ZNF385D: variants seen among roughly 807,000 people sequenced by gnomAD.
ZNF385D encodes the protein zinc finger protein 659.
Under a neutral mutation model 35.8 loss-of-function variants are expected in ZNF385D, and 15 were observed. The observed-to-expected ratio is 0.42, with a 90% confidence interval of 0.28 to 0.64. The LOEUF (loss-of-function observed/expected upper bound fraction) is 0.64. Ranked by LOEUF, ZNF385D falls within the 30% of genes least tolerant of loss-of-function variation. ZNF385D has a pLI of 0.23. For missense variants in ZNF385D, 474 were observed against 494.6 expected (o/e 0.96, Z 0.39); for synonymous variants, 212 against 186.8 (o/e 1.13, Z -1.10).
At chr3:21,809,417 A>G (rs1480549104) in intron 3 of ZNF385D, among the ~76,000 whole-genome samples, 2 of 152,024 alleles carry the variant, frequency 1.3e-5, no homozygotes, top group Non-Finnish European at 2.9e-5. Context: ...GCGGTTTTCA[A>G]CATATGTAGG....
intron 3 of ZNF385D, among the ~76,000 whole-genome samples, chr3:21,907,291 T>C (rs755309928): frequency 6.6e-6 from 1 of 152,180 alleles, no homozygotes; most frequent in Non-Finnish European, 1.5e-5. Flanking sequence ...GAGACAAACA[T>C]TGCCAACATT....
At chr3:21,814,361 C>T (rs1403078490) in intron 3 of ZNF385D, among the ~76,000 whole-genome samples, 4 of 152,158 alleles carry the variant, frequency 2.6e-5, no homozygotes, top group African/African-American at 9.7e-5. Context: ...ATTAACCTTA[C>T]ATGTAAATGG....
intron 1 of ZNF385D, among the ~76,000 whole-genome samples, chr3:21,730,978 T>C (rs749915448): frequency 1.3e-5 from 2 of 152,190 alleles, no homozygotes; most frequent in African/African-American, 2.4e-5. Flanking sequence ...AAAACTAACA[T>C]TGCATTAATA....
chr3:21,860,170 G>C (rs1696970182), intron 3 of ZNF385D, among the ~76,000 whole-genome samples: 2 of 151,970 alleles, frequency 1.3e-5, no homozygotes, highest in African/African-American at 2.4e-5. Flanking sequence ...TTCTAAAAGA[G>C]GTTGTTTTTG....
rs1399411269 is a variant in ZNF385D, at chr3:21,559,114, CTA to C, written c.276+5458_276+5459del. On this transcript the variant is annotated intron_variant, in intron 3 of 7. Coordinates refer to ENST00000281523, the MANE Select transcript of ZNF385D (RefSeq NM_024697.3). ...CAGCACACTGATGGTTCTTGACACT[CTA>C]TCCAATTTGCCAGTCTGTGTCTTTT... Among the ~76,000 whole-genome samples, 3 of 151,746 alleles carry C rather than the reference CTA, an allele frequency of 2.0e-5. No individual in the cohort carries two copies. In the East Asian group the frequency reaches 5.8e-4, roughly 29 times the overall value.
intron 3 of ZNF385D, among the ~76,000 whole-genome samples, chr3:21,933,856 C>G (rs1468065634): frequency 6.6e-6 from 1 of 152,028 alleles, no homozygotes; most frequent in Non-Finnish European, 1.5e-5. Context: ...TTTGTTTTCT[C>G]AAGTCCAAAA....
chr3:21,652,098 C>A (rs977795286), intron 2 of ZNF385D, among the ~76,000 whole-genome samples: 1 of 152,074 alleles, frequency 6.6e-6, no homozygotes, highest in Non-Finnish European at 1.5e-5. Flanking sequence ...AATGTATAAA[C>A]GTTTAAAGTA....
intron 1 of ZNF385D, among the ~76,000 whole-genome samples, chr3:21,749,965 T>TGATACATC (rs397715182): frequency 7.2e-5 from 11 of 152,176 alleles, no homozygotes; most frequent in African/African-American, 2.6e-4. Context: ...TTGGATACAT[T>TGATACATC]TCCTAGCCCC....
intron 2 of ZNF385D, among the ~76,000 whole-genome samples, chr3:21,663,890 AATATATATATATATATAT>A (rs66691637): frequency 1.6e-4 from 10 of 64,418 alleles, no homozygotes; most frequent in African/African-American, 3.1e-4. Flanking sequence ...TTGTGGGCCG[AATATATATATATATATAT>A]ATATATATAT....
intron 2 of ZNF385D, among the ~76,000 whole-genome samples, chr3:21,644,624 A>T (rs547497122): frequency 3.9e-5 from 6 of 152,310 alleles, no homozygotes; most frequent in African/African-American, 1.4e-4. Flanking sequence ...AAATGATGCC[A>T]TTTGAGTACC....
intron 3 of ZNF385D, among the ~76,000 whole-genome samples, chr3:21,813,741 G>C (rs947825154): frequency 6.6e-6 from 1 of 152,210 alleles, no homozygotes; most frequent in Non-Finnish European, 1.5e-5. Flanking sequence ...GTACCTGACA[G>C]TGACGGGGAG....
intron 3 of ZNF385D, among the ~76,000 whole-genome samples, chr3:21,823,382 T>C (rs1011800713): frequency 1.3e-5 from 2 of 152,202 alleles, no homozygotes; most frequent in Non-Finnish European, 2.9e-5. Flanking sequence ...ACTGATTTAC[T>C]GGACTTTGCA....
intron 6 of ZNF385D, among the ~76,000 whole-genome samples, chr3:21,424,426 G>A (rs1018973518): frequency 7.1e-6 from 1 of 141,332 alleles, no homozygotes; most frequent in Non-Finnish European, 1.5e-5. Flanking sequence ...GCAATTATCT[G>A]CCTCAGCCTC....
chr3:21,712,407 G>C (rs4858346), intron 1 of ZNF385D, among the ~76,000 whole-genome samples: 34 of 151,978 alleles, frequency 2.2e-4, no homozygotes, highest in African/African-American at 6.0e-4. Context: ...TTGAACTCAC[G>C]GTCTCTTCTC....
intron 2 of ZNF385D, among the ~76,000 whole-genome samples, chr3:21,594,584 T>C (rs1160260790): frequency 6.6e-6 from 1 of 152,024 alleles, no homozygotes; most frequent in Non-Finnish European, 1.5e-5. Context: ...GGGGCCTGAG[T>C]AGATAACTGA....
chr3:21,790,876 G>T (rs1241261262), intron 3 of ZNF385D, among the ~76,000 whole-genome samples: 4 of 152,176 alleles, frequency 2.6e-5, no homozygotes, highest in Admixed American at 2.0e-4. Flanking sequence ...TTGATAGCTA[G>T]ATTTTTTTGC....
intron 2 of ZNF385D, among the ~76,000 whole-genome samples, chr3:22,350,227 A>G (rs1454543434): frequency 6.6e-6 from 1 of 152,162 alleles, no homozygotes; most frequent in Non-Finnish European, 1.5e-5. Context: ...TTAGTTGCTT[A>G]TAACTGTGTC....
At chr3:21,915,133 C>G (rs1700135251) in intron 3 of ZNF385D, among the ~76,000 whole-genome samples, 1 of 151,560 alleles carries the variant, frequency 6.6e-6, no homozygotes, top group African/African-American at 2.4e-5. Context: ...ATTCACATGG[C>G]ATGTTTTCCT....
intron 1 of ZNF385D, among the ~76,000 whole-genome samples, chr3:21,701,155 C>T (rs2067667594): frequency 6.6e-6 from 1 of 152,182 alleles, no homozygotes; most frequent in Non-Finnish European, 1.5e-5. Context: ...CAGCACTCTG[C>T]AGGTATGTGT....
Sources: gnomAD v4.1 joint callset for allele counts (sites outside exome capture counted in the v4.1 genomes callset) on GRCh38, gnomAD v4.1.1 for gene constraint, MANE v1.5 for transcripts, NCBI Gene and HGNC (gene_info 2026-07-23, HGNC 2026-07-21) for gene names.